LRRK1: variants seen among roughly 807,000 people sequenced by gnomAD.
The protein encoded by LRRK1 is leucine rich repeat kinase 1.
In LRRK1, 113 loss-of-function variants were observed where a neutral mutation model predicts 209.1. The ratio of observed to expected loss-of-function variants is 0.54; its 90% CI spans 0.46 to 0.63. The LOEUF is 0.63. Ranked by LOEUF, LRRK1 falls within the 30% of genes least tolerant of loss-of-function variation. The pLI, the probability that LRRK1 is intolerant of heterozygous loss-of-function variation, is 0.00. For missense variants in LRRK1, 2,284 were observed against 2,632.2 expected (o/e 0.87, Z 2.89); for synonymous variants, 1,144 against 1,099.7 (o/e 1.04, Z -0.80).
chr15:100,949,832 A>G (rs2042610210), intron 2 of LRRK1, among the ~76,000 whole-genome samples: 1 of 152,178 alleles, frequency 6.6e-6, no homozygotes, highest in African/African-American at 2.4e-5. Context: ...AGAAACACTC[A>G]GTAAACTAGT....
Position 101,066,694 on chromosome 15 carries a change from G to T in LRRK1, c.5823G>T (p.Arg1941=). ...IGLEKDSGAQ[R]GRVIAVLKAR... is the part of the protein sequence containing the mutation. ...TGGAGAAGGATTCTGGCGCCCAGCG[G>T]GGCCGAGTCATTGCCGTCTTAAAAG... The change falls in exon 33 of 34, where the codon CGG becomes CGT. Residue 1941 remains arginine, a synonymous_variant. Transcript: ENST00000388948. 1 of 1,614,214 alleles carries T rather than the reference G, an allele frequency of 6.2e-7. No homozygotes were observed. Among genetic ancestry groups the T allele is most frequent in the Non-Finnish European group, 8.5e-7 (1 of 1,180,040 alleles).
intron 20 of LRRK1, among the ~76,000 whole-genome samples, chr15:101,044,334 G>C (rs191933031): frequency 9.1e-4 from 138 of 152,352 alleles, no homozygotes; most frequent in Middle Eastern, 3.4e-3. Context: ...GTCTGAGGCT[G>C]TCTCAGTGGG....
In LRRK1 at chr15:100,966,499, C is replaced by T. The variant is rs12440058; in HGVS notation, c.98-7305C>T. 7.8e-3 allele frequency among the ~76,000 whole-genome samples: 1,189 copies of T among 152,296 alleles called. 10 individuals carry two copies. The highest frequency in any genetic ancestry group is 0.02 in the Middle Eastern group (6 of 294). ...AGTTCTGTCATGAAGTCCCCCATGGCCCATGCCTAATACTCACTATGGTCA... is the reference window on the plus strand; with the variant it reads ...AGTTCTGTCATGAAGTCCCCCATGGTCCATGCCTAATACTCACTATGGTCA... On this transcript the variant is annotated intron_variant, in intron 2 of 33. Coordinates refer to ENST00000388948, the MANE Select transcript of LRRK1 (RefSeq NM_024652.6).
chr15:101,002,473 A>T (rs1404200725), intron 6 of LRRK1, among the ~76,000 whole-genome samples: 1 of 152,202 alleles, frequency 6.6e-6, no homozygotes, highest in Non-Finnish European at 1.5e-5. Context: ...CAACATGAAC[A>T]CATTCTCCAC....
At chr15:100,985,238 T>G in intron 4 of LRRK1, among the ~76,000 whole-genome samples, 1 of 151,978 alleles carries the variant, frequency 6.6e-6, no homozygotes, top group East Asian at 1.9e-4. Flanking sequence ...AGAGAGGAGC[T>G]TGGGTGCTCC....
Position 100,973,951 on chromosome 15 carries a change from C to T in LRRK1, c.245C>T (p.Ala82Val). Residue 82 changes from alanine to valine, a missense_variant, in exon 3 of 34, where the codon GCG becomes GTG. By Grantham distance (64) the Ala-to-Val change is moderately conservative (BLOSUM62 0). This residue lies in a region of LRRK1 where 174 missense variants were observed against 133.5 expected (regional missense o/e 1.30). Transcript: ENST00000388948. ...DLLEEACDQC[A>V]SQLEKGQLLS... ...CTGGAGGAGGCCTGCGACCAGTGCGCGTCCCAGCTGGAAAAGGTAGGGGAG... is the reference window on the plus strand; with the variant it reads ...CTGGAGGAGGCCTGCGACCAGTGCGTGTCCCAGCTGGAAAAGGTAGGGGAG... 8.0e-7 allele frequency: 1 copy of T among 1,251,820 alleles called. No individual in the cohort carries two copies. The allele number at this position is 1,251,820 out of a possible 1,614,324, so 77.5% of individuals were successfully genotyped here. A position where few individuals can be genotyped will look rare whatever the true frequency, so the allele number is the denominator to read the frequency against.
intron 2 of LRRK1, among the ~76,000 whole-genome samples, chr15:100,932,685 G>A (rs1474552975): frequency 6.6e-6 from 1 of 152,164 alleles, no homozygotes; most frequent in Non-Finnish European, 1.5e-5. Context: ...CAAAAGAGTT[G>A]TTATTTCCTG....
At chr15:100,934,704 G>A (rs1327561883) in intron 2 of LRRK1, among the ~76,000 whole-genome samples, 2 of 150,352 alleles carry the variant, frequency 1.3e-5, no homozygotes, top group Non-Finnish European at 3.0e-5. Flanking sequence ...TGGGGGTGCT[G>A]AGGTGGGAGG....
At position 101,069,250 on chromosome 15, in the gene LRRK1, C is replaced by T. The variant is rs191983219; in HGVS notation, c.*402C>T. 256 of 154,924 alleles carry T rather than the reference C, an allele frequency of 1.7e-3. No individual in the cohort carries two copies. The highest frequency in any genetic ancestry group is 6.0e-3 in the African/African-American group (241 of 39,916). The allele number at this position is 154,924 out of a possible 1,614,324, so 9.6% of individuals were successfully genotyped here. On this transcript the variant is annotated 3_prime_UTR_variant, in exon 34 of 34. Transcript: ENST00000388948. ...AGATGGAATTACACTAGAGGCCCTC[C>T]GCTGGGAAGCACTTGAGGTAGGGCA... is the stretch of plus-strand genomic sequence containing the variant.
At chr15:101,012,998 G>C (rs115378721) in intron 10 of LRRK1, among the ~76,000 whole-genome samples, 2 of 152,140 alleles carry the variant, frequency 1.3e-5, no homozygotes, top group Admixed American at 6.5e-5. Flanking sequence ...CTGTCTTCTC[G>C]TATTTCACAC....
chr15:101,003,518 G>A (rs528732290), intron 6 of LRRK1, among the ~76,000 whole-genome samples: 14 of 152,262 alleles, frequency 9.2e-5, no homozygotes, highest in African/African-American at 3.4e-4. Flanking sequence ...CACATGGCTG[G>A]GGAGGCCTCA....
chr15:101,068,461 C>A (rs2036655435), intron 33 of LRRK1, among the ~76,000 whole-genome samples: 1 of 152,182 alleles, frequency 6.6e-6, no homozygotes, highest in Non-Finnish European at 1.5e-5. Flanking sequence ...ATGCCCACAG[C>A]CCGTCTTTGG....
Position 101,066,663 on chromosome 15 carries a change from T to C in LRRK1, c.5792T>C (p.Ile1931Thr). 2 of 1,614,218 alleles carry C rather than the reference T, an allele frequency of 1.2e-6. No individual in the cohort carries two copies. Among genetic ancestry groups the C allele is most frequent in the Non-Finnish European group, 1.7e-6 (2 of 1,180,032 alleles). The stretch of plus-strand genomic sequence containing the variant: ...AGGCGCGGTGGAGATGTTATCGTCA[T>C]TGGCCTGGAGAAGGATTCTGGCGCC... ...VPRRGGDVIV[I>T]GLEKDSGAQR... is the part of the protein sequence containing the mutation. Residue 1931 changes from isoleucine (I) to threonine (T), a missense_variant, in exon 33 of 34, where the codon ATT (isoleucine) becomes ACT (threonine). By Grantham distance (89) the Ile-to-Thr change is moderately conservative (BLOSUM62 -1). Around this residue, in one of 6 missense-constraint regions of LRRK1, gnomAD observed 643 missense variants for 695.9 expected, o/e 0.92. Transcript: ENST00000388948.
chr15:100,964,113 C>T (rs1453645698), intron 2 of LRRK1, among the ~76,000 whole-genome samples: 1 of 152,052 alleles, frequency 6.6e-6, no homozygotes, highest in African/African-American at 2.4e-5. Context: ...TAGTGAGAGC[C>T]CGCAGAGCCC....
intron 31 of LRRK1, 62 bp from the exon 32 acceptor site, chr15:101,065,290 T>C: frequency 6.4e-7 from 1 of 1,566,644 alleles, no homozygotes; most frequent in Non-Finnish European, 8.6e-7. Context: ...GTGCCTACTC[T>C]GTGTCTCTCT....
intron 2 of LRRK1, among the ~76,000 whole-genome samples, chr15:100,938,272 G>A (rs988760495): frequency 7.1e-6 from 1 of 141,810 alleles, no homozygotes; most frequent in Non-Finnish European, 1.5e-5. Flanking sequence ...TCACACATGG[G>A]CAATCTTTTT....
intron 2 of LRRK1, among the ~76,000 whole-genome samples, chr15:100,934,663 G>A (rs60722485): frequency 0.03 from 4,472 of 149,088 alleles, 222 homozygotes; most frequent in African/African-American, 0.1. Context: ...TTAGCCGGTC[G>A]TGGAGGCACA....
intron 3 of LRRK1, among the ~76,000 whole-genome samples, chr15:100,975,233 C>G (rs1212992284): frequency 2.0e-5 from 3 of 152,370 alleles, no homozygotes; most frequent in African/African-American, 7.2e-5. Context: ...CAAACACAGC[C>G]TGGCATCCCT....
intron 12 of LRRK1, among the ~76,000 whole-genome samples, chr15:101,016,339 C>A (rs972016753): frequency 2.0e-5 from 3 of 151,204 alleles, no homozygotes; most frequent in African/African-American, 7.3e-5. Flanking sequence ...CCCTTGCTAG[C>A]CCCTGACAGT....
Sources: allele counts gnomAD v4.1 joint callset (sites outside exome capture counted in the v4.1 genomes callset), GRCh38; gene constraint gnomAD v4.1.1; regional missense constraint gnomAD v4.1.1; transcripts MANE v1.5; gene names NCBI Gene and HGNC (gene_info 2026-07-23, HGNC 2026-07-21).